FGF16: variants seen among roughly 807,000 people sequenced by gnomAD.
FGF16 encodes the protein fibroblast growth factor 16.
Under a neutral mutation model 8.5 loss-of-function variants are expected in FGF16, and 2 were observed. The ratio of observed to expected loss-of-function variants is 0.24; its 90% CI spans 0.10 to 0.75. The LOEUF (loss-of-function observed/expected upper bound fraction) is 0.75, where lower values mean the gene tolerates loss of function less well. FGF16 is among the 30% of genes least tolerant of loss of function. The pLI is 0.74. For missense variants in FGF16, 79 were observed against 87.4 expected, an observed-to-expected ratio of 0.90 and a Z score of 0.38; for synonymous variants, 33 against 34.6, an observed-to-expected ratio of 0.95 and a Z score of 0.16.
At chrX:77,452,265 C>T (rs1445572758) in intron 1 of FGF16, among the ~76,000 whole-genome samples, 1 of 112,499 alleles carries the variant, frequency 8.9e-6, no homozygotes, top group Non-Finnish European at 1.9e-5. Flanking sequence ...AAGCGGTCCT[C>T]ATATGTTCTC....
chrX:77,456,582 G>A lies in FGF16; in HGVS notation c.*60G>A. 3 of 1,066,092 alleles carry A rather than the reference G, an allele frequency of 2.8e-6. No homozygotes were observed. In the South Asian group the frequency reaches 6.2e-5, roughly 22 times the overall value. The allele number at this position is 1,066,092 out of a possible 1,213,427, so 87.9% of individuals were successfully genotyped here. A position where few individuals can be genotyped will look rare whatever the true frequency, so the allele number is the denominator to read the frequency against. On this transcript the variant is annotated 3_prime_UTR_variant, in exon 3 of 3. Coordinates refer to ENST00000439435, the MANE Select transcript of FGF16 (RefSeq NM_003868.3). ...CCTGGGGCCACGGTTGTCTCTGCAA[G>A]CACTATATTCATAGCTTTTCAATCC... is the stretch of plus-strand genomic sequence containing the variant.
intron 1 of FGF16, 37 bp downstream of exon 1, chrX:77,447,985 C>A (rs1395489487): frequency 3.4e-6 from 1 of 296,835 alleles, no homozygotes; most frequent in Non-Finnish European, 5.9e-6. Context: ...GGCGGGCGGA[C>A]GGCGCACTGG....
chrX:77,447,909 G>T lies in FGF16; in HGVS notation c.235G>T (p.Gly79Cys), dbSNP rs1411645067. Residue 79 changes from glycine (G) to cysteine (C), a missense_variant, in exon 1 of 3, where the codon GGC becomes TGC. By Grantham distance (159) the Gly-to-Cys change is radical. Coordinates refer to ENST00000439435, the MANE Select transcript of FGF16 (RefSeq NM_003868.3). ...CTTCCACCTGGAGATCTTCCCCAAC[G>T]GCACGGTGCACGGGACCCGCCACGA... Reference protein sequence around the residue: ...TGFHLEIFPNGTVHGTRHDHS... With the variant: ...TGFHLEIFPNCTVHGTRHDHS... 6.7e-6 allele frequency: 2 copies of T among 296,955 alleles called. No individual in the cohort carries two copies. Among genetic ancestry groups the T allele is most frequent in the African/African-American group, 5.4e-5 (2 of 36,839 alleles). The allele number at this position is 296,955 out of a possible 1,213,427, so 24.5% of individuals were successfully genotyped here.
intron 1 of FGF16, among the ~76,000 whole-genome samples, chrX:77,448,880 G>C (rs1219572414): frequency 9.0e-6 from 1 of 111,388 alleles, no homozygotes; most frequent in Non-Finnish European, 1.9e-5. Context: ...AGACATCATG[G>C]GGGGTTCTGT....
chrX:77,453,047 C>T (rs1022126578), intron 1 of FGF16, among the ~76,000 whole-genome samples: 1 of 111,465 alleles, frequency 9.0e-6, no homozygotes, highest in Non-Finnish European at 1.9e-5. Flanking sequence ...CACTGCACTC[C>T]AACCTGGGTG....
In FGF16 at chrX:77,456,720, G is replaced by A. The variant is rs2062573724; in HGVS notation, c.*198G>A. ...GTTGGGTTATTTTGGGGAGGGATGG[G>A]GGGCTGGGCTCGAGGGAATCTTGTA... On this transcript the variant is annotated 3_prime_UTR_variant, in exon 3 of 3. Coordinates refer to ENST00000439435, the MANE Select transcript of FGF16 (RefSeq NM_003868.3). 2.5e-6 allele frequency: 1 copy of A among 397,141 alleles called. No individual in the cohort carries two copies. Among genetic ancestry groups the A allele is most frequent in the Non-Finnish European group, 4.3e-6 (1 of 232,456 alleles). 32.7% of individuals were successfully genotyped at this position (397,141 alleles called of 1,213,427 possible).
intron 1 of FGF16, among the ~76,000 whole-genome samples, chrX:77,448,476 G>T (rs2062547749): frequency 8.9e-6 from 1 of 112,658 alleles, no homozygotes; most frequent in East Asian, 2.8e-4. Context: ...GCTCTGTCCA[G>T]GGTAGGAGAC....
At chrX:77,455,620 A>G (rs782444468) in intron 2 of FGF16, among the ~76,000 whole-genome samples, 2 of 111,058 alleles carry the variant, frequency 1.8e-5, no homozygotes, top group Middle Eastern at 4.2e-3. Flanking sequence ...ATCAGAACAC[A>G]TTTTTCCATG....
intron 2 of FGF16, among the ~76,000 whole-genome samples, 199 bp from the exon 3 acceptor site, chrX:77,456,078 C>T (rs1416192074): frequency 1.8e-5 from 2 of 112,238 alleles, no homozygotes; most frequent in African/African-American, 6.5e-5. Context: ...CTGTGTAACT[C>T]ATGAAAGAGA....
At position 77,452,295 on chromosome X, in the gene FGF16, A is replaced by T. The variant is rs782453312; in HGVS notation, c.275-1862A>T. Among the ~76,000 whole-genome samples the T allele has an allele frequency of 1.7e-4, 19 of 112,593 alleles. No individual in the cohort carries two copies. The South Asian group carries it at 7.0e-3, about 42-fold the overall frequency. The stretch of plus-strand genomic sequence containing the variant: ...GTTCTCTTACAAGTCATTTATTGAA[A>T]TATCAAACGGAGCAGAACCAAATGC... On this transcript the variant is annotated intron_variant, in intron 1 of 2. Transcript: ENST00000439435.
At chrX:77,451,669 A>G (rs1403822943) in intron 1 of FGF16, among the ~76,000 whole-genome samples, 1 of 112,005 alleles carries the variant, frequency 8.9e-6, no homozygotes, top group African/African-American at 3.2e-5. Flanking sequence ...AGATCACACT[A>G]GCTTTTTTTC....
In FGF16 at chrX:77,456,312, G is replaced by C; in HGVS notation, c.414G>C (p.Gln138His). The C allele has an allele frequency of 1.7e-6, 2 of 1,209,427 alleles. No homozygotes were observed. Among genetic ancestry groups the C allele is most frequent in the Non-Finnish European group, 2.2e-6 (2 of 893,265 alleles). The change falls in exon 3 of 3, where the codon CAG becomes CAC. Residue 138 changes from glutamine to histidine, a missense_variant. Coordinates refer to ENST00000439435, the MANE Select transcript of FGF16 (RefSeq NM_003868.3). ...KLTRECVFRE[Q>H]FEENWYNTYA... ...CACGTGAATGTGTTTTCCGGGAACA[G>C]TTTGAAGAAAACTGGTACAACACCT...
At chrX:77,448,845 A>T (rs782631141) in intron 1 of FGF16, among the ~76,000 whole-genome samples, 1 of 111,492 alleles carries the variant, frequency 9.0e-6, no homozygotes, top group Admixed American at 9.5e-5. Context: ...TGCCATTTTT[A>T]TTTTCAATTT....
At position 77,456,658 on chromosome X, in the gene FGF16, C is replaced by T. The variant is rs2062573474; in HGVS notation, c.*136C>T. ...GAAAAGCACTTACTGTTGAACTCAA[C>T]CCAGCTGTTCCCTTGTTGTTCAAAG... On this transcript the variant is annotated 3_prime_UTR_variant, in exon 3 of 3. Coordinates refer to ENST00000439435, the MANE Select transcript of FGF16 (RefSeq NM_003868.3). 1 of 597,187 alleles carries T rather than the reference C, an allele frequency of 1.7e-6. No individual in the cohort carries two copies. 49.2% of individuals were successfully genotyped at this position (597,187 alleles called of 1,213,427 possible).
At chrX:77,449,687 G>A (rs782129529) in intron 1 of FGF16, among the ~76,000 whole-genome samples, 18 of 111,544 alleles carry the variant, frequency 1.6e-4, no homozygotes, top group Non-Finnish European at 2.4e-4. Flanking sequence ...AGGCTCTTGG[G>A]ATAAGTGGTC....
intron 1 of FGF16, among the ~76,000 whole-genome samples, chrX:77,449,462 G>A (rs1210318527): frequency 9.0e-6 from 1 of 110,671 alleles, no homozygotes; most frequent in Non-Finnish European, 1.9e-5. Context: ...TCCCACACTG[G>A]CCTCAGAGGC....
chrX:77,448,209 G>T (rs1010274997), intron 1 of FGF16, among the ~76,000 whole-genome samples: 2 of 113,317 alleles, frequency 1.8e-5, no homozygotes, highest in South Asian at 7.2e-4. Context: ...AGGGAGCAAG[G>T]GGGTAGTTCT....
At chrX:77,449,887 C>T (rs782436198) in intron 1 of FGF16, among the ~76,000 whole-genome samples, 1 of 112,315 alleles carries the variant, frequency 8.9e-6, no homozygotes, top group East Asian at 2.8e-4. Context: ...CTAAGAGCAC[C>T]TCTGCATCAC....
chrX:77,448,055 G>A (rs972918226), intron 1 of FGF16, 107 bp downstream of exon 1: 7 of 296,075 alleles, frequency 2.4e-5, no homozygotes, highest in Non-Finnish European at 4.1e-5. Context: ...GCTTGGTGTC[G>A]TCCGGGCCAG....
Sources: gnomAD v4.1 joint callset for allele counts (sites outside exome capture counted in the v4.1 genomes callset) on GRCh38, gnomAD v4.1.1 for gene constraint, MANE v1.5 for transcripts, NCBI Gene and HGNC (gene_info 2026-07-23, HGNC 2026-07-21) for gene names.